Variants in AFG2A observed in about 807,000 individuals in gnomAD.
AFG2A encodes the protein AAA ATPase AFG2A.
At chr4:123,241,614 G>A in the AFG2A span, among the ~76,000 whole-genome samples, 3 of 152,208 alleles carry the variant, frequency 2.0e-5, no homozygotes, top group East Asian at 5.8e-4. Flanking sequence ...AATAAACTAG[G>A]TATTGATGGA....
the AFG2A span, among the ~76,000 whole-genome samples, chr4:123,103,586 A>T: frequency 6.6e-6 from 1 of 152,124 alleles, no homozygotes; most frequent in East Asian, 1.9e-4. Context: ...TTTCATTTTT[A>T]AAAATACACA....
At chr4:123,176,515 A>G in the AFG2A span, among the ~76,000 whole-genome samples, 1 of 152,188 alleles carries the variant, frequency 6.6e-6, no homozygotes, top group Non-Finnish European at 1.5e-5. Flanking sequence ...TTACAGACAT[A>G]ATAAATAAAA....
chr4:123,258,637 A>G, the AFG2A span, among the ~76,000 whole-genome samples: 1 of 152,044 alleles, frequency 6.6e-6, no homozygotes, highest in Non-Finnish European at 1.5e-5. Flanking sequence ...TATTGTCCTC[A>G]CAAGAGAATA....
At chr4:123,190,048 C>T in the AFG2A span, among the ~76,000 whole-genome samples, 2 of 152,040 alleles carry the variant, frequency 1.3e-5, no homozygotes, top group South Asian at 4.2e-4. Flanking sequence ...GATCCTCCCA[C>T]TGCAGCCTCC....
At chr4:123,313,196 C>T in the AFG2A span, among the ~76,000 whole-genome samples, 1 of 152,158 alleles carries the variant, frequency 6.6e-6, no homozygotes, top group African/African-American at 2.4e-5. Context: ...TGCCTCCTCC[C>T]TCCTCCCTCT....
chr4:123,134,899 G>C, the AFG2A span, among the ~76,000 whole-genome samples: 3 of 152,028 alleles, frequency 2.0e-5, no homozygotes, highest in Non-Finnish European at 4.4e-5. Context: ...AATACCTCCA[G>C]ACTCATTTTA....
chr4:123,165,267 G>A, the AFG2A span, among the ~76,000 whole-genome samples: 2 of 152,068 alleles, frequency 1.3e-5, no homozygotes, highest in Non-Finnish European at 2.9e-5. Context: ...CAACTTTTGG[G>A]TTAGTGAAAA....
At chr4:123,211,958 A>C in the AFG2A span, among the ~76,000 whole-genome samples, 6 of 152,316 alleles carry the variant, frequency 3.9e-5, no homozygotes, top group African/African-American at 1.4e-4. Context: ...CGTCTGGAAG[A>C]AAATGGTTTC....
the AFG2A span, among the ~76,000 whole-genome samples, chr4:123,218,972 G>A: frequency 1.2e-4 from 19 of 152,142 alleles, no homozygotes; most frequent in African/African-American, 3.9e-4. Context: ...TCCAATAGGA[G>A]CCATTTATTA....
the AFG2A span, among the ~76,000 whole-genome samples, chr4:123,226,649 A>C: frequency 6.6e-6 from 1 of 152,314 alleles, no homozygotes; most frequent in Admixed American, 6.5e-5. Flanking sequence ...GATGTTCATC[A>C]GGGATATTAG....
At chr4:123,094,841 CA>C in the AFG2A span, among the ~76,000 whole-genome samples, 2 of 151,514 alleles carry the variant, frequency 1.3e-5, no homozygotes, top group East Asian at 3.9e-4. Context: ...TAATCACACA[CA>C]AAACTCCCCT....
the AFG2A span, among the ~76,000 whole-genome samples, chr4:123,302,754 G>T: frequency 6.9e-4 from 105 of 152,254 alleles, no homozygotes; most frequent in Non-Finnish European, 7.4e-5. Flanking sequence ...TTGCGATATG[G>T]CAGGAAAGTA....
At chr4:123,084,813 T>A in the AFG2A span, among the ~76,000 whole-genome samples, 11 of 152,168 alleles carry the variant, frequency 7.2e-5, no homozygotes, top group Non-Finnish European at 5.9e-5. Flanking sequence ...TTATTTTTTA[T>A]GGAGATGGGG....
the AFG2A span, among the ~76,000 whole-genome samples, chr4:123,000,652 G>GC: frequency 1.1e-5 from 1 of 90,254 alleles, no homozygotes; most frequent in Non-Finnish European, 2.6e-5. Context: ...CAGGGATGAA[G>GC]CCCACTTGAT....
the AFG2A span, among the ~76,000 whole-genome samples, chr4:123,079,159 A>G: frequency 2.6e-4 from 39 of 152,358 alleles, no homozygotes; most frequent in Middle Eastern, 3.4e-3. Flanking sequence ...TTATTGAACA[A>G]ATAAATTGAA....
At chr4:123,001,596 C>A in the AFG2A span, among the ~76,000 whole-genome samples, 1 of 151,578 alleles carries the variant, frequency 6.6e-6, no homozygotes, top group Non-Finnish European at 1.5e-5. Flanking sequence ...TGTTCAGTTT[C>A]CATGTAGTTG....
the AFG2A span, among the ~76,000 whole-genome samples, chr4:123,026,060 C>T: frequency 1.3e-5 from 2 of 151,734 alleles, no homozygotes; most frequent in African/African-American, 4.9e-5. Context: ...TAAGGATTCT[C>T]AGGGCCCTGT....
the AFG2A span, among the ~76,000 whole-genome samples, chr4:123,312,401 T>C: frequency 6.6e-6 from 1 of 152,178 alleles, no homozygotes; most frequent in African/African-American, 2.4e-5. Context: ...TTGCTTCAAA[T>C]TCTTGTCCAG....
the AFG2A span, among the ~76,000 whole-genome samples, chr4:123,114,188 G>A: frequency 0.1 from 15,946 of 152,134 alleles, 940 homozygotes; most frequent in Middle Eastern, 0.2. Flanking sequence ...GAGCCTCAGA[G>A]GGGAGGAAGT....
Sources: allele counts gnomAD v4.1 joint callset (sites outside exome capture counted in the v4.1 genomes callset), GRCh38; gene constraint gnomAD v4.1.1; transcripts MANE v1.5; gene names NCBI Gene and HGNC (gene_info 2026-07-23, HGNC 2026-07-21).